The following GPC5 variants were observed in gnomAD, a reference collection of about 807,000 sequenced individuals.
GPC5 encodes the protein glypican 5.
A neutral mutation model predicts 53.9 loss-of-function variants in GPC5; 47 were observed. The ratio of observed to expected loss-of-function variants is 0.87; its 90% CI spans 0.69 to 1.11. The LOEUF (loss-of-function observed/expected upper bound fraction) is 1.11. Among genes scored for constraint, GPC5 ranks in the 50% most tolerant of loss-of-function variants. The pLI, the probability that GPC5 is intolerant of heterozygous loss-of-function variation, is 0.00. For missense variants in GPC5, 748 were observed against 713.1 expected (o/e 1.05, Z -0.56); for synonymous variants, 286 against 263.3 (o/e 1.09, Z -0.84).
chr13:92,376,046 A>G (rs183659338), intron 7 of GPC5, among the ~76,000 whole-genome samples: 75 of 152,284 alleles, frequency 4.9e-4, no homozygotes, highest in Non-Finnish European at 7.8e-4. Flanking sequence ...ATAGTAACCA[A>G]TTTTAGTGTG....
chr13:92,513,570 T>A (rs1224478553), intron 7 of GPC5, among the ~76,000 whole-genome samples: 1 of 150,392 alleles, frequency 6.6e-6, no homozygotes. Flanking sequence ...CCTTTCCTTT[T>A]TCCTTTTTTC....
chr13:92,422,187 T>G (rs1031654009), intron 7 of GPC5, among the ~76,000 whole-genome samples: 4 of 152,050 alleles, frequency 2.6e-5, no homozygotes, highest in Non-Finnish European at 5.9e-5. Flanking sequence ...TACTCCTGCC[T>G]TCAGAAGTTT....
At chr13:92,291,667 C>T (rs7993820) in intron 7 of GPC5, among the ~76,000 whole-genome samples, 10,727 of 152,204 alleles carry the variant, frequency 0.07, 1,285 homozygotes, top group African/African-American at 0.24. Flanking sequence ...TCCACAATGT[C>T]GAAGCTTTGT....
At chr13:92,258,671 A>G (rs1298532504) in intron 7 of GPC5, among the ~76,000 whole-genome samples, 2 of 152,214 alleles carry the variant, frequency 1.3e-5, no homozygotes, top group Non-Finnish European at 2.9e-5. Flanking sequence ...GGTAATTGGT[A>G]AAGCCTCAAA....
intron 7 of GPC5, among the ~76,000 whole-genome samples, chr13:92,801,301 T>A (rs1394256080): frequency 6.6e-6 from 1 of 151,756 alleles, no homozygotes; most frequent in Non-Finnish European, 1.5e-5. Context: ...TCCATGAGAT[T>A]TTAATGGAGC....
intron 6 of GPC5, among the ~76,000 whole-genome samples, chr13:91,919,731 A>G (rs545301358): frequency 8.1e-5 from 12 of 148,642 alleles, no homozygotes; most frequent in South Asian, 4.2e-4. Context: ...CTTTCTGGGG[A>G]AAAAAAAAAT....
chr13:92,054,148 G>A (rs990285178), intron 6 of GPC5, among the ~76,000 whole-genome samples: 16 of 103,170 alleles, frequency 1.6e-4, no homozygotes, highest in African/African-American at 5.8e-4. Flanking sequence ...TACTTTGGAG[G>A]GGTGTGTGTG....
chr13:92,813,838 C>T (rs916198298), intron 7 of GPC5, among the ~76,000 whole-genome samples: 1 of 151,986 alleles, frequency 6.6e-6, no homozygotes, highest in Admixed American at 6.6e-5. Flanking sequence ...TCTGTACATT[C>T]AGTGGAATTC....
intron 7 of GPC5, among the ~76,000 whole-genome samples, chr13:92,471,468 C>A (rs979778919): frequency 6.6e-6 from 1 of 152,028 alleles, no homozygotes; most frequent in Non-Finnish European, 1.5e-5. Context: ...ACTTATCTCT[C>A]CCTATTTATA....
intron 7 of GPC5, among the ~76,000 whole-genome samples, chr13:92,732,680 T>A (rs370168672): frequency 6.6e-6 from 1 of 151,856 alleles, no homozygotes; most frequent in South Asian, 2.1e-4. Flanking sequence ...TTGAAGATAA[T>A]TCACATCTTA....
chr13:92,055,823 C>T (rs776616748), intron 6 of GPC5, among the ~76,000 whole-genome samples: 4 of 152,102 alleles, frequency 2.6e-5, no homozygotes, highest in Non-Finnish European at 4.4e-5. Context: ...AATTATGTAT[C>T]TGTGATGCAT....
At chr13:91,678,811 G>C (rs911983055) in intron 2 of GPC5, among the ~76,000 whole-genome samples, 1 of 151,654 alleles carries the variant, frequency 6.6e-6, no homozygotes, top group Non-Finnish European at 1.5e-5. Flanking sequence ...TTATCATTAT[G>C]TAATTTGAGA....
At chr13:91,603,382 G>A (rs952983807) in intron 2 of GPC5, among the ~76,000 whole-genome samples, 29 of 152,218 alleles carry the variant, frequency 1.9e-4, no homozygotes, top group Non-Finnish European at 5.9e-5. Flanking sequence ...ATTGAGTAAT[G>A]GCTTAGAAGT....
Position 92,286,904 on chromosome 13 carries a change from AAG to A in GPC5, c.1561+141917_1561+141918del, listed in dbSNP as rs986345951. On this transcript the variant is annotated intron_variant, in intron 7 of 7. Transcript: ENST00000377067. ...TACAATTAAAATATCACTAGTAAAA[AAG>A]AAAAAAATATGGCATGAAAATACAC... 6.6e-5 allele frequency among the ~76,000 whole-genome samples: 10 copies of A among 152,184 alleles called. 1 individual carries two copies. Among genetic ancestry groups the A allele is most frequent in the African/African-American group, 2.4e-4 (10 of 41,446 alleles).
intron 7 of GPC5, among the ~76,000 whole-genome samples, chr13:92,173,745 C>G (rs1254519801): frequency 6.6e-6 from 1 of 152,128 alleles, no homozygotes. Flanking sequence ...TACTAAGACC[C>G]TTGATGTAAT....
At chr13:92,059,529 A>C (rs1006117275) in intron 6 of GPC5, among the ~76,000 whole-genome samples, 1 of 150,640 alleles carries the variant, frequency 6.6e-6, no homozygotes, top group Non-Finnish European at 1.5e-5. Flanking sequence ...AATATACTAG[A>C]TATGCTTTTG....
At chr13:91,563,855 C>T (rs1270518165) in intron 2 of GPC5, among the ~76,000 whole-genome samples, 4 of 152,064 alleles carry the variant, frequency 2.6e-5, no homozygotes, top group African/African-American at 7.2e-5. Flanking sequence ...TTTCCTTCCT[C>T]AATGTTGCTG....
At chr13:91,483,078 T>C (rs1188877998) in intron 2 of GPC5, among the ~76,000 whole-genome samples, 1 of 152,156 alleles carries the variant, frequency 6.6e-6, no homozygotes, top group Non-Finnish European at 1.5e-5. Context: ...GGAATTAGTT[T>C]TCACGTATAT....
chr13:92,301,689 C>T (rs1341141735), intron 7 of GPC5, among the ~76,000 whole-genome samples: 2 of 151,806 alleles, frequency 1.3e-5, no homozygotes, highest in Non-Finnish European at 2.9e-5. Flanking sequence ...TTGTTCAAGA[C>T]CACCTGGACA....
Sources: allele counts gnomAD v4.1 joint callset (sites outside exome capture counted in the v4.1 genomes callset), GRCh38; gene constraint gnomAD v4.1.1; transcripts MANE v1.5; gene names NCBI Gene and HGNC (gene_info 2026-07-23, HGNC 2026-07-21).